CERS6: variants seen among roughly 807,000 people sequenced by gnomAD.
CERS6 encodes the protein ceramide synthase 6, also known as LAG1 homolog, ceramide synthase 6.
Under a neutral mutation model 56.8 loss-of-function variants are expected in CERS6, and 26 were observed. The ratio of observed to expected loss-of-function variants is 0.46; its 90% confidence interval spans 0.34 to 0.63. CERS6 has a LOEUF of 0.63. Among genes scored for constraint, CERS6 ranks in the 30% least tolerant of loss-of-function variants. The pLI, the probability that CERS6 is intolerant of heterozygous loss-of-function variation, is 0.01. For synonymous variants in CERS6, 164 were observed against 173.3 expected, an observed-to-expected ratio of 0.95 and a Z score of 0.42; for missense variants, 415 against 467.5, an observed-to-expected ratio of 0.89 and a Z score of 1.04.
intron 3 of CERS6, among the ~76,000 whole-genome samples, chr2:168,594,137 T>G (rs1325665579): frequency 6.6e-6 from 1 of 152,190 alleles, no homozygotes; most frequent in South Asian, 2.1e-4. Flanking sequence ...CCATTAAGAG[T>G]AATTATGCTT....
chr2:168,469,812 G>T (rs1382621689), intron 1 of CERS6, among the ~76,000 whole-genome samples: 3 of 152,062 alleles, frequency 2.0e-5, no homozygotes, highest in African/African-American at 7.3e-5. Flanking sequence ...CTGTTTCATG[G>T]CACAGGTGAC....
chr2:168,477,601 A>G lies in CERS6; in HGVS notation c.170+20983A>G, dbSNP rs116500594. On this transcript the variant is annotated intron_variant, in intron 1 of 9. Transcript: ENST00000305747. ...TTCCAATCATATGCTATTAAAAGCA[A>G]TGTCACAGTGGCAACTTTTGTACGT... Among the ~76,000 whole-genome samples the G allele has an allele frequency of 5.4e-3, 827 of 152,334 alleles. 10 individuals are homozygous for G. The highest frequency in any genetic ancestry group is 0.019 in the African/African-American group (790 of 41,574).
chr2:168,755,974 G>A (rs1366051678), intron 8 of CERS6, among the ~76,000 whole-genome samples: 1 of 152,206 alleles, frequency 6.6e-6, no homozygotes, highest in Non-Finnish European at 1.5e-5. Flanking sequence ...AAGGGAAGGG[G>A]AAAAGGAGAA....
chr2:168,592,736 T>C (rs1469197715), intron 3 of CERS6, among the ~76,000 whole-genome samples: 1 of 152,144 alleles, frequency 6.6e-6, no homozygotes, highest in East Asian at 1.9e-4. Context: ...AAGAAGGGAT[T>C]GGGAGACCAT....
intron 3 of CERS6, among the ~76,000 whole-genome samples, chr2:168,599,632 G>A (rs781325583): frequency 6.6e-6 from 1 of 152,158 alleles, no homozygotes; most frequent in Non-Finnish European, 1.5e-5. Flanking sequence ...GAGATCATTT[G>A]TTGACATTCA....
intron 1 of CERS6, among the ~76,000 whole-genome samples, chr2:168,497,435 A>T (rs540719997): frequency 1.3e-5 from 2 of 152,218 alleles, no homozygotes; most frequent in South Asian, 4.1e-4. Context: ...AGAAAGAAAG[A>T]TAGATACCTA....
chr2:168,607,733 G>T lies in CERS6; in HGVS notation c.408-23252G>T, dbSNP rs183053193. Among the ~76,000 whole-genome samples the T allele has an allele frequency of 2.7e-4, 41 of 152,238 alleles. 1 individual carries two copies. In the East Asian group the frequency reaches 5.8e-3, roughly 21 times the overall value. On this transcript the variant is annotated intron_variant, in intron 3 of 9. Coordinates refer to ENST00000305747, the MANE Select transcript of CERS6 (RefSeq NM_203463.3). The stretch of plus-strand genomic sequence containing the variant: ...TTATGTTTTTGCAGTCTTTTCAGGG[G>T]TTAATAAAGAAAGTATAAAAGGTTT...
chr2:168,489,835 C>G (rs999870339), intron 1 of CERS6, among the ~76,000 whole-genome samples: 3 of 151,972 alleles, frequency 2.0e-5, no homozygotes, highest in Non-Finnish European at 4.4e-5. Flanking sequence ...AATCTGATTG[C>G]TTTTTTCCCT....
intron 8 of CERS6, among the ~76,000 whole-genome samples, chr2:168,748,401 T>A (rs1684170695): frequency 6.6e-6 from 1 of 152,244 alleles, no homozygotes; most frequent in African/African-American, 2.4e-5. Flanking sequence ...AAATTTATTT[T>A]TAGATGAAAC....
At chr2:168,645,666 CTTTT>C (rs1255281014) in intron 4 of CERS6, among the ~76,000 whole-genome samples, 1 of 152,168 alleles carries the variant, frequency 6.6e-6, no homozygotes, top group Non-Finnish European at 1.5e-5. Flanking sequence ...CAATAGTTAT[CTTTT>C]CTGCTCCTCT....
At chr2:168,651,594 C>G (rs1685341437) in intron 4 of CERS6, among the ~76,000 whole-genome samples, 1 of 152,254 alleles carries the variant, frequency 6.6e-6, no homozygotes. Flanking sequence ...AGAAGTAAGG[C>G]ACATTTTACA....
chr2:168,488,974 T>C (rs1455722879), intron 1 of CERS6, among the ~76,000 whole-genome samples: 1 of 152,320 alleles, frequency 6.6e-6, no homozygotes, highest in Non-Finnish European at 1.5e-5. Flanking sequence ...AGTAGTCTTC[T>C]ATATTTACCG....
At chr2:168,553,789 A>G (rs1453913670) in intron 2 of CERS6, among the ~76,000 whole-genome samples, 1 of 152,186 alleles carries the variant, frequency 6.6e-6, no homozygotes, top group Non-Finnish European at 1.5e-5. Context: ...AGGAATGGTG[A>G]CAGACAGAAT....
At chr2:168,596,545 AT>A (rs1683801620) in intron 3 of CERS6, among the ~76,000 whole-genome samples, 1 of 121,906 alleles carries the variant, frequency 8.2e-6, no homozygotes, top group East Asian at 2.4e-4. Flanking sequence ...TCAGGGCCCC[AT>A]CCCCCCCCCT....
chr2:168,764,036 CTGA>C (rs1446521118), intron 8 of CERS6, among the ~76,000 whole-genome samples: 1 of 152,198 alleles, frequency 6.6e-6, no homozygotes, highest in Non-Finnish European at 1.5e-5. Flanking sequence ...CATTCTAGTT[CTGA>C]TGGTAGATTA....
At chr2:168,625,756 G>C (rs181452144) in intron 3 of CERS6, among the ~76,000 whole-genome samples, 48 of 152,248 alleles carry the variant, frequency 3.2e-4, no homozygotes, top group Middle Eastern at 6.8e-3. Flanking sequence ...AGAGAGAGGT[G>C]AGTGAGTAGG....
chr2:168,754,554 T>C (rs1359922635), intron 8 of CERS6, among the ~76,000 whole-genome samples: 1 of 152,100 alleles, frequency 6.6e-6, no homozygotes, highest in East Asian at 1.9e-4. Context: ...GTTGACTCCC[T>C]TCAAGCTAAA....
rs1420083411 is a variant in CERS6, at chr2:168,770,953, TAA to T, written c.*1292_*1293del. On this transcript the variant is annotated 3_prime_UTR_variant, in exon 10 of 10. Coordinates refer to ENST00000305747, the MANE Select transcript of CERS6 (RefSeq NM_203463.3). ...AACAATGAGGAAAATTACTGAAGAA[TAA>T]GTTTCCATAAGTCTCCTACATAGCA... The T allele has an allele frequency of 2.0e-5, 3 of 152,312 alleles. No individual in the cohort carries two copies. Among genetic ancestry groups the T allele is most frequent in the South Asian group, 4.1e-4 (2 of 4,828 alleles). The allele number at this position is 152,312 out of a possible 1,614,324, so 9.4% of individuals were successfully genotyped here.
At chr2:168,648,010 A>T (rs1559035374) in intron 4 of CERS6, among the ~76,000 whole-genome samples, 2 of 152,124 alleles carry the variant, frequency 1.3e-5, no homozygotes. Context: ...TGGTATCAGG[A>T]TGATTGCTGG....
Sources: gnomAD v4.1 joint callset for allele counts (sites outside exome capture counted in the v4.1 genomes callset) on GRCh38, gnomAD v4.1.1 for gene constraint, MANE v1.5 for transcripts, NCBI Gene and HGNC (gene_info 2026-07-23, HGNC 2026-07-21) for gene names.